Variants in ELF2 observed in about 807,000 individuals in gnomAD.
The protein encoded by ELF2 is ETS-related transcription factor Elf-2.
Under a neutral mutation model 54.8 loss-of-function variants are expected in ELF2, and 11 were observed. The observed-to-expected ratio is 0.20, with a 90% CI of 0.13 to 0.33. The LOEUF (loss-of-function observed/expected upper bound fraction) is 0.33, where lower values mean the gene tolerates loss of function less well. Among genes scored for constraint, ELF2 ranks in the 10% least tolerant of loss-of-function variants. ELF2 has a pLI of 1.00. For synonymous variants in ELF2, 203 were observed against 245.1 expected, an observed-to-expected ratio of 0.83 and a Z score of 1.61; for missense variants, 513 against 703.0, an observed-to-expected ratio of 0.73 and a Z score of 3.06.
chr4:139,108,892 G>A lies in ELF2; in HGVS notation c.238+16272C>T, dbSNP rs1734682881. On this transcript the variant is annotated intron_variant, in intron 4 of 9. Transcript: ENST00000686138. ...ACATCTGAACATTTTAAGATCCGGG[G>A]CCCAAATAAGTATGCTTCCTGCCCC... is the stretch of plus-strand genomic sequence containing the variant. Among the ~76,000 whole-genome samples the A allele has an allele frequency of 2.0e-5, 3 of 152,116 alleles. No homozygotes were observed. The South Asian group carries it at 6.2e-4, about 31-fold the overall frequency.
At chr4:139,072,732 G>A (rs1729697315) in intron 5 of ELF2, among the ~76,000 whole-genome samples, 1 of 152,076 alleles carries the variant, frequency 6.6e-6, no homozygotes, top group Non-Finnish European at 1.5e-5. Context: ...TCAATTAAGA[G>A]ATACAATTAA....
At position 139,139,472 on chromosome 4, in the gene ELF2, A is replaced by T. The variant is rs1180796220; in HGVS notation, c.-226T>A. 2 of 1,229,808 alleles carry T rather than the reference A, an allele frequency of 1.6e-6. No individual in the cohort carries two copies. The highest frequency in any genetic ancestry group is 1.0e-6 in the Non-Finnish European group (1 of 986,946). The allele number at this position is 1,229,808 out of a possible 1,614,324, so 76.2% of individuals were successfully genotyped here. A position where few individuals can be genotyped will look rare whatever the true frequency, so the allele number is the denominator to read the frequency against. On this transcript the variant is annotated 5_prime_UTR_variant, in exon 2 of 10. Transcript: ENST00000686138. ...TATTTTCACAACTTGGGAAGAGCTA[A>T]AATCTGAACCAGTAGTTCTTTGGAA...
chr4:139,106,075 A>G (rs2148797036), intron 4 of ELF2, among the ~76,000 whole-genome samples: 1 of 152,334 alleles, frequency 6.6e-6, no homozygotes, highest in Non-Finnish European at 1.5e-5. Context: ...ACCATTGGCC[A>G]TGGAAATTTT....
chr4:139,074,275 T>C (rs1010069318), intron 4 of ELF2, among the ~76,000 whole-genome samples: 1 of 152,190 alleles, frequency 6.6e-6, no homozygotes, highest in East Asian at 1.9e-4. Flanking sequence ...GAGAGGCTGG[T>C]TGTAGATTAA....
chr4:139,153,541 G>C (rs1050861845), intron 1 of ELF2, among the ~76,000 whole-genome samples: 5 of 152,074 alleles, frequency 3.3e-5, no homozygotes, highest in African/African-American at 9.7e-5. Context: ...ACTGAGTCAC[G>C]CAAAACTGCC....
chr4:139,065,478 TAG>T (rs1404728469), intron 7 of ELF2, among the ~76,000 whole-genome samples: 2 of 152,112 alleles, frequency 1.3e-5, no homozygotes, highest in Non-Finnish European at 2.9e-5. Flanking sequence ...CCTGTCTCTA[TAG>T]AAAAAAATTA....
chr4:139,105,937 A>T (rs191629592), intron 4 of ELF2, among the ~76,000 whole-genome samples: 4 of 152,314 alleles, frequency 2.6e-5, no homozygotes, highest in Middle Eastern at 3.4e-3. Flanking sequence ...TCACCTAGGG[A>T]CTTGTTAGAA....
chr4:139,088,069 C>T (rs116219320), intron 4 of ELF2, among the ~76,000 whole-genome samples: 305 of 152,044 alleles, frequency 2.0e-3, no homozygotes, highest in African/African-American at 7.0e-3. Flanking sequence ...GGTGGATCAC[C>T]TGAGGTTGGG....
intron 3 of ELF2, among the ~76,000 whole-genome samples, chr4:139,132,594 C>G (rs896494750): frequency 2.5e-4 from 38 of 152,166 alleles, no homozygotes; most frequent in Admixed American, 1.2e-3. Flanking sequence ...GATATTTATA[C>G]ATATTGCTGC....
In ELF2 at chr4:139,127,312, C is replaced by T. The variant is rs114752496; in HGVS notation, c.73-1983G>A. 8.1e-3 allele frequency among the ~76,000 whole-genome samples: 1,233 copies of T among 152,302 alleles called. 19 individuals are homozygous for T. Among genetic ancestry groups the T allele is most frequent in the African/African-American group, 0.028 (1,177 of 41,556 alleles). On this transcript the variant is annotated intron_variant, in intron 3 of 9. Coordinates refer to ENST00000686138, the MANE Select transcript of ELF2 (RefSeq NM_001331036.3). ...TATGCAATACCCAGCCCATACCATACTGTAGCACTGCCAGATACCAGAGCA... is the reference window on the plus strand; with the variant it reads ...TATGCAATACCCAGCCCATACCATATTGTAGCACTGCCAGATACCAGAGCA...
chr4:139,170,281 T>C (rs1161024963), intron 1 of ELF2, among the ~76,000 whole-genome samples: 1 of 83,064 alleles, frequency 1.2e-5, no homozygotes, highest in Admixed American at 1.1e-4. Context: ...TTTTTTTTTT[T>C]TGAGACAGAG....
At chr4:139,093,377 T>C (rs1413213700) in intron 4 of ELF2, among the ~76,000 whole-genome samples, 1 of 152,158 alleles carries the variant, frequency 6.6e-6, no homozygotes, top group Non-Finnish European at 1.5e-5. Flanking sequence ...TTCTAGCAAA[T>C]TTCAAAATTA....
chr4:139,058,868 T>C lies in ELF2; in HGVS notation c.*115A>G, dbSNP rs1727387110. The C allele has an allele frequency of 7.2e-7, 1 of 1,386,328 alleles. No individual in the cohort carries two copies. The highest frequency in any genetic ancestry group is 1.5e-5 in the South Asian group (1 of 67,726). The allele number at this position is 1,386,328 out of a possible 1,614,324, so 85.9% of individuals were successfully genotyped here. ...TTTCCAGTAAGTCTGATTGTTTTTG[T>C]ATATGCATTAAAAATGTTTTAAAGT... On this transcript the variant is annotated 3_prime_UTR_variant, in exon 10 of 10. Transcript: ENST00000686138.
chr4:139,166,770 A>G (rs1209475331), intron 1 of ELF2, among the ~76,000 whole-genome samples: 1 of 152,190 alleles, frequency 6.6e-6, no homozygotes, highest in East Asian at 1.9e-4. Flanking sequence ...CAGGAGGCTG[A>G]GGCAGGAGAA....
At chr4:139,063,144 G>A (rs1728137293) in intron 7 of ELF2, among the ~76,000 whole-genome samples, 1 of 152,156 alleles carries the variant, frequency 6.6e-6, no homozygotes, top group African/African-American at 2.4e-5. Context: ...TGTAATCCCA[G>A]TTACTTGGGA....
At chr4:139,153,648 T>C (rs1379681124) in intron 1 of ELF2, among the ~76,000 whole-genome samples, 1 of 152,152 alleles carries the variant, frequency 6.6e-6, no homozygotes, top group Non-Finnish European at 1.5e-5. Context: ...AAATGCCTTC[T>C]GGGCCCAAGA....
intron 9 of ELF2, 58 bp from the exon 10 acceptor site, chr4:139,059,665 C>A: frequency 6.5e-7 from 1 of 1,546,312 alleles, no homozygotes; most frequent in East Asian, 2.3e-5. Context: ...GAAAATAGGT[C>A]TCCTGAGTAA....
chr4:139,151,966 T>TCATATCTGAAACACCTAA (rs1447044200), intron 1 of ELF2, among the ~76,000 whole-genome samples: 1 of 152,178 alleles, frequency 6.6e-6, no homozygotes, highest in East Asian at 1.9e-4. Flanking sequence ...ATTACACCAA[T>TCATATCTGAAACACCTAA]CATATCTGAA....
intron 1 of ELF2, among the ~76,000 whole-genome samples, chr4:139,161,651 TTAAAAAAAAAA>T (rs1249027382): frequency 1.2e-4 from 12 of 101,868 alleles, no homozygotes; most frequent in African/African-American, 4.8e-4. Context: ...GTAAAACTGT[TTAAAAAAAAAA>T]AAAAAAAAAA....
Sources: allele counts gnomAD v4.1 joint callset (sites outside exome capture counted in the v4.1 genomes callset), GRCh38; gene constraint gnomAD v4.1.1; transcripts MANE v1.5; gene names NCBI Gene and HGNC (gene_info 2026-07-23, HGNC 2026-07-21).